Variants in KIF7 observed in about 807,000 individuals in gnomAD.
The protein encoded by KIF7 is kinesin-like protein KIF7.
In KIF7, 104 loss-of-function variants were observed where a neutral mutation model predicts 135.7. That is an observed-to-expected ratio of 0.77 (90% CI 0.65 to 0.90). The LOEUF (loss-of-function observed/expected upper bound fraction) is 0.90, where lower values mean the gene tolerates loss of function less well. Ranked by LOEUF, KIF7 falls within the 40% of genes least tolerant of loss-of-function variation. KIF7 has a pLI of 0.00. For missense variants in KIF7, 2,005 were observed against 1,839.1 expected, an observed-to-expected ratio of 1.09 and a Z score of -1.65; for synonymous variants, 883 against 809.4, an observed-to-expected ratio of 1.09 and a Z score of -1.54.
rs760277701 is a variant in KIF7, at chr15:89,628,674, G to T, written c.3777C>A (p.Pro1259=). Reference sequence around the variant, plus strand: ...AGTCCCGCGTCTCCTCCCGGGTGCGGGGGGCCCCCTCAGTGAGGGGGGACA... The same window carrying T: ...AGTCCCGCGTCTCCTCCCGGGTGCGTGGGGCCCCCTCAGTGAGGGGGGACA... The part of the protein sequence containing the change: ...LWLSPLTEGA[P]RTREETRDLV... Residue 1259 remains proline, a synonymous_variant, in exon 19 of 19, where the codon CCC becomes CCA. Transcript: ENST00000394412. 1 of 1,613,032 alleles carries T rather than the reference G, an allele frequency of 6.2e-7. No individual in the cohort carries two copies. Among genetic ancestry groups the T allele is most frequent in the Non-Finnish European group, 8.5e-7 (1 of 1,179,886 alleles).
At chr15:89,629,161 C>G in intron 17 of KIF7, 39 bp from the exon 18 acceptor site, 2 of 1,561,024 alleles carry the variant, frequency 1.3e-6, no homozygotes, top group Non-Finnish European at 1.7e-6. Flanking sequence ...GTGAGGGCTG[C>G]AGGCGGGGCA....
In KIF7 at chr15:89,633,854, C is replaced by T. The variant is rs542743911; in HGVS notation, c.2424G>A (p.Glu808=). The change falls in exon 12 of 19, where the codon GAG becomes GAA. Residue 808 remains glutamate, a synonymous_variant. Coordinates refer to ENST00000394412, the MANE Select transcript of KIF7 (RefSeq NM_198525.3). ...TCTGGGCCGACAGTGACACCAGCCG[C>T]TCCGTAGCCTGCTTCTTCTCCTTCA... The part of the protein sequence containing the change: ...QVLKEKKQAT[E]RLVSLSAQSE... 1 of 1,613,836 alleles carries T rather than the reference C, an allele frequency of 6.2e-7. No homozygotes were observed. Among genetic ancestry groups the T allele is most frequent in the East Asian group, 2.2e-5 (1 of 44,886 alleles).
chr15:89,625,902 G>A, downstream of KIF7: 2 of 1,545,686 alleles, frequency 1.3e-6, no homozygotes, highest in East Asian at 4.5e-5. Context: ...TGGGGGTCTG[G>A]GGACGCTGCT....
In KIF7 at chr15:89,649,776, T is replaced by C; in HGVS notation, c.494A>G (p.Asp165Gly). 6.4e-7 allele frequency: 1 copy of C among 1,551,842 alleles called. No homozygotes were observed. The highest frequency in any genetic ancestry group is 8.7e-7 in the Non-Finnish European group (1 of 1,147,012). ...DLLEVGTASR[D>G]IQLREDERGN... ...GCGCTCATCTTCCCGGAGCTGGATG[T>C]CACGGCTGGCAGTGCCCACCTCGAG... The change falls in exon 3 of 19, where the codon GAC (aspartate) becomes GGC (glycine). Residue 165 changes from aspartate (D) to glycine (G), a missense_variant. By Grantham distance (94) the Asp-to-Gly change is moderately conservative. Coordinates refer to ENST00000394412, the MANE Select transcript of KIF7 (RefSeq NM_198525.3).
At chr15:89,647,181 A>C in intron 6 of KIF7, 124 bp from the exon 7 acceptor site, 1 of 799,140 alleles carries the variant, frequency 1.3e-6, no homozygotes, top group Non-Finnish European at 2.1e-6. Flanking sequence ...AGTGTCAAAT[A>C]CTCCTCTCCT....
At chr15:89,647,770 C>T (rs1228743269) in intron 5 of KIF7, 58 bp from the exon 6 acceptor site, 3 of 1,289,068 alleles carry the variant, frequency 2.3e-6, no homozygotes, top group Admixed American at 2.0e-5. Flanking sequence ...GCTGGACACC[C>T]GGCCTCTTCT....
chr15:89,631,438 G>A (rs1361632770), intron 15 of KIF7, 57 bp downstream of exon 15: 29 of 1,438,664 alleles, frequency 2.0e-5, no homozygotes, highest in African/African-American at 2.8e-5. Context: ...GCTGAGGAGA[G>A]CAGACAGACA....
At chr15:89,631,767 GA>G in intron 14 of KIF7, 57 bp from the exon 15 acceptor site, 3 of 1,425,934 alleles carry the variant, frequency 2.1e-6, no homozygotes, top group Non-Finnish European at 1.9e-6. Context: ...TCACAGGGGG[GA>G]CAGAAAGGGC....
intron 6 of KIF7, 134 bp downstream of exon 6, chr15:89,647,462 G>A: frequency 1.3e-6 from 1 of 790,252 alleles, no homozygotes. Flanking sequence ...TTTCGCTCAT[G>A]TGCACCTCCT....
chr15:89,619,648 A>T, intron 1 of KIF7: 1 of 1,550,944 alleles, frequency 6.4e-7, no homozygotes, highest in South Asian at 1.3e-5. Flanking sequence ...TTTGGACAAC[A>T]TGAGAAAATG....
Position 89,632,866 on chromosome 15 carries a change from A to G in KIF7, c.2849T>C (p.Met950Thr), listed in dbSNP as rs756146900. The change falls in exon 14 of 19, where the codon ATG becomes ACG. Residue 950 changes from methionine (M) to threonine (T), a missense_variant. Physicochemically the swap from Met to Thr is moderately conservative, Grantham distance 81. Coordinates refer to ENST00000394412, the MANE Select transcript of KIF7 (RefSeq NM_198525.3). ...GCTCTCCAGCCCCGTCTTCTCCTGCATCAGGGCCTCCTTCTTGGCCAGGAT... is the reference window on the plus strand; with the variant it reads ...GCTCTCCAGCCCCGTCTTCTCCTGCGTCAGGGCCTCCTTCTTGGCCAGGAT... ...EAILAKKEAL[M>T]QEKTGLESKR... The G allele has an allele frequency of 1.2e-6, 2 of 1,609,836 alleles. No individual in the cohort carries two copies. Among genetic ancestry groups the G allele is most frequent in the Non-Finnish European group, 1.7e-6 (2 of 1,179,860 alleles).
chr15:89,617,350 C>T (rs1963351344), intron 2 of KIF7, among the ~76,000 whole-genome samples: 1 of 152,150 alleles, frequency 6.6e-6, no homozygotes, highest in Non-Finnish European at 1.5e-5. Context: ...TTATAACATC[C>T]TTGACACATT....
At chr15:89,639,300 TTAAAC>T (rs1204623137) in intron 11 of KIF7, among the ~76,000 whole-genome samples, 3 of 151,732 alleles carry the variant, frequency 2.0e-5, no homozygotes, top group Non-Finnish European at 2.9e-5. Context: ...TGGGATCTAA[TTAAAC>T]TAAAGAGCTT....
chr15:89,629,835 G>A (rs796940565), intron 16 of KIF7: 32 of 572,038 alleles, frequency 5.6e-5, no homozygotes, highest in South Asian at 1.5e-4. Context: ...TGGGCAGAGC[G>A]TCAAGTTGTG....
intron 14 of KIF7, among the ~76,000 whole-genome samples, 165 bp downstream of exon 14, chr15:89,632,655 G>T (rs1224672661): frequency 6.6e-6 from 1 of 152,104 alleles, no homozygotes; most frequent in Non-Finnish European, 1.5e-5. Flanking sequence ...GACCTCGCCT[G>T]GCAGGGACAT....
In KIF7 at chr15:89,633,808, G is replaced by A; in HGVS notation, c.2470C>T (p.Leu824Phe). 1 of 1,612,884 alleles carries A rather than the reference G, an allele frequency of 6.2e-7. No individual in the cohort carries two copies. The highest frequency in any genetic ancestry group is 8.5e-7 in the Non-Finnish European group (1 of 1,180,032). Residue 824 changes from leucine (L) to phenylalanine (F), a missense_variant, in exon 12 of 19, where the codon CTC (leucine) becomes TTC (phenylalanine). Transcript: ENST00000394412. Reference sequence around the variant, plus strand: ...CGCATGAGCTGCACGTTCCGCTCGAGCTCCTGCAGTCGCTTCTCACTCTGG... The same window carrying A: ...CGCATGAGCTGCACGTTCCGCTCGAACTCCTGCAGTCGCTTCTCACTCTGG... ...SAQSEKRLQE[L>F]ERNVQLMRQQ...
At chr15:89,631,450 G>A (rs1331932128) in intron 15 of KIF7, 45 bp downstream of exon 15, 1 of 1,477,484 alleles carries the variant, frequency 6.8e-7, no homozygotes, top group Non-Finnish European at 9.2e-7. Context: ...AGACAGACAG[G>A]CATACAATGG....
intron 7 of KIF7, among the ~76,000 whole-genome samples, chr15:89,646,565 C>G (rs988102684): frequency 6.6e-6 from 1 of 152,180 alleles, no homozygotes; most frequent in Non-Finnish European, 1.5e-5. Context: ...ATGCCGGAAG[C>G]CTGAACCCCC....
chr15:89,624,395 CT>C, downstream of KIF7: 1 of 1,614,218 alleles, frequency 6.2e-7, no homozygotes, highest in Non-Finnish European at 8.5e-7. Context: ...TCAACTCCCC[CT>C]GAACTCTCAC....
Sources: allele counts gnomAD v4.1 joint callset (sites outside exome capture counted in the v4.1 genomes callset), GRCh38; gene constraint gnomAD v4.1.1; transcripts MANE v1.5; gene names NCBI Gene and HGNC (gene_info 2026-07-23, HGNC 2026-07-21).